Variants in LHFPL6 observed in about 807,000 individuals in gnomAD.
The protein encoded by LHFPL6 is LHFPL tetraspan subfamily member 6.
In LHFPL6, 9 loss-of-function variants were observed where a neutral mutation model predicts 20.6. The ratio of observed to expected loss-of-function variants is 0.44; its 90% CI spans 0.26 to 0.76. The LOEUF (loss-of-function observed/expected upper bound fraction) is 0.76, where lower values mean the gene tolerates loss of function less well. LHFPL6 is among the 30% of genes least tolerant of loss of function. The pLI, the probability that LHFPL6 is intolerant of heterozygous loss-of-function variation, is 0.20. For synonymous variants in LHFPL6, 105 were observed against 98.7 expected (o/e 1.06, Z -0.38); for missense variants, 218 against 253.5 (o/e 0.86, Z 0.95).
chr13:39,476,976 T>C (rs780604280), intron 2 of LHFPL6, among the ~76,000 whole-genome samples: 5 of 152,300 alleles, frequency 3.3e-5, no homozygotes, highest in Middle Eastern at 6.8e-3. Context: ...CTGTTGACAA[T>C]ATTTGCAAAT....
chr13:39,398,126 GACA>G (rs1183238059), intron 2 of LHFPL6, among the ~76,000 whole-genome samples: 3 of 152,174 alleles, frequency 2.0e-5, no homozygotes, highest in Non-Finnish European at 4.4e-5. Context: ...GACACATGGA[GACA>G]ACATAATCAA....
chr13:39,452,542 T>A (rs1312593870), intron 2 of LHFPL6, among the ~76,000 whole-genome samples: 1 of 152,180 alleles, frequency 6.6e-6, no homozygotes, highest in African/African-American at 2.4e-5. Context: ...GAGATGCTCC[T>A]CCCTTTCTTC....
chr13:39,570,801 G>T (rs1289616070), intron 2 of LHFPL6, among the ~76,000 whole-genome samples: 1 of 152,098 alleles, frequency 6.6e-6, no homozygotes, highest in East Asian at 1.9e-4. Flanking sequence ...GTGTGCATGG[G>T]CATGCCACGT....
At chr13:39,427,885 T>TA (rs1871686176) in intron 2 of LHFPL6, among the ~76,000 whole-genome samples, 1 of 152,206 alleles carries the variant, frequency 6.6e-6, no homozygotes, top group Non-Finnish European at 1.5e-5. Flanking sequence ...GTTAATTTGA[T>TA]AGAGTTATCA....
chr13:39,392,375 A>G (rs1019770587), intron 2 of LHFPL6, among the ~76,000 whole-genome samples: 3 of 152,198 alleles, frequency 2.0e-5, no homozygotes, highest in African/African-American at 7.2e-5. Flanking sequence ...CAGGTGGATC[A>G]CCTGAGGTCA....
In LHFPL6 at chr13:39,384,213, T is replaced by C. The variant is rs544335701; in HGVS notation, c.386-5687A>G. ...AATTATCTCGAAGCACAATTTATGC[T>C]AATTATTAAACTTCTGGGGCAAGTG... On this transcript the variant is annotated intron_variant, in intron 2 of 3. Transcript: ENST00000379589. Among the ~76,000 whole-genome samples the C allele has an allele frequency of 2.6e-5, 4 of 152,340 alleles. No individual in the cohort carries two copies. In the South Asian group the frequency reaches 8.3e-4, roughly 32 times the overall value.
intron 2 of LHFPL6, among the ~76,000 whole-genome samples, chr13:39,450,822 T>G (rs531712626): frequency 1.1e-4 from 16 of 152,288 alleles, no homozygotes; most frequent in African/African-American, 3.8e-4. Context: ...ATACAGTATT[T>G]TACTTAGCTG....
intron 2 of LHFPL6, among the ~76,000 whole-genome samples, chr13:39,497,275 G>T (rs750539665): frequency 2.6e-5 from 4 of 152,140 alleles, no homozygotes; most frequent in Non-Finnish European, 5.9e-5. Flanking sequence ...TGTACTTACC[G>T]GCATTGACTT....
At chr13:39,396,506 G>C (rs969850611) in intron 2 of LHFPL6, among the ~76,000 whole-genome samples, 1 of 152,086 alleles carries the variant, frequency 6.6e-6, no homozygotes, top group Admixed American at 6.5e-5. Flanking sequence ...CTTATAAGAA[G>C]ACAGCCAGGC....
At chr13:39,492,972 G>A (rs980838087) in intron 2 of LHFPL6, among the ~76,000 whole-genome samples, 12 of 151,846 alleles carry the variant, frequency 7.9e-5, no homozygotes, top group Admixed American at 2.0e-4. Flanking sequence ...GAGCCACTGC[G>A]CCCGGCCTCA....
At chr13:39,556,946 G>A (rs941597051) in intron 2 of LHFPL6, among the ~76,000 whole-genome samples, 1 of 152,036 alleles carries the variant, frequency 6.6e-6, no homozygotes, top group Non-Finnish European at 1.5e-5. Context: ...TGAGTGACAG[G>A]GCAAGATCCT....
chr13:39,378,500 G>A lies in LHFPL6; in HGVS notation c.412C>T (p.Leu138Phe), dbSNP rs1381337015. 7 of 1,613,928 alleles carry A rather than the reference G, an allele frequency of 4.3e-6. No individual in the cohort carries two copies. In the South Asian group the frequency reaches 6.6e-5, roughly 15 times the overall value. The change falls in exon 3 of 4, where the codon CTC (leucine) becomes TTC (phenylalanine). Residue 138 changes from leucine (L) to phenylalanine (F), a missense_variant. Transcript: ENST00000379589. Reference protein sequence around the residue: ...GGLLIGAGCALYPLGWDSEEV... With the variant: ...GGLLIGAGCAFYPLGWDSEEV... The stretch of plus-strand genomic sequence containing the variant: ...TCACTGTCCCAGCCCAAGGGGTAGA[G>A]GGCACAGCCAGCACCAATCAACAAG...
At chr13:39,498,388 T>A (rs989045751) in intron 2 of LHFPL6, among the ~76,000 whole-genome samples, 2 of 152,220 alleles carry the variant, frequency 1.3e-5, no homozygotes, top group African/African-American at 2.4e-5. Context: ...GCTAATCACA[T>A]CCTATTTGTT....
chr13:39,468,209 T>C (rs1416646669), intron 2 of LHFPL6, among the ~76,000 whole-genome samples: 1 of 152,242 alleles, frequency 6.6e-6, no homozygotes, highest in Non-Finnish European at 1.5e-5. Flanking sequence ...TGTGCAAGCC[T>C]ATGTATTTGA....
At chr13:39,467,995 A>C (rs1393147216) in intron 2 of LHFPL6, among the ~76,000 whole-genome samples, 1 of 152,166 alleles carries the variant, frequency 6.6e-6, no homozygotes, top group Non-Finnish European at 1.5e-5. Context: ...TTTTCAGGGA[A>C]GCTTCAAAAA....
chr13:39,592,049 T>C (rs1872619012), intron 2 of LHFPL6, among the ~76,000 whole-genome samples: 1 of 147,442 alleles, frequency 6.8e-6, no homozygotes, highest in Non-Finnish European at 1.5e-5. Flanking sequence ...TGAGCCGAGA[T>C]CACACCATTG....
rs528530972 is a variant in LHFPL6 at position 39,428,213 on chromosome 13, A to T, written c.386-49687T>A. On this transcript the variant is annotated intron_variant, in intron 2 of 3. Coordinates refer to ENST00000379589, the MANE Select transcript of LHFPL6 (RefSeq NM_005780.3). ...TGAATGTCTTTGTCTGGCCTTATAC[A>T]TAATGCTGGCCTTATAAAATGAATT... Among the ~76,000 whole-genome samples the T allele has an allele frequency of 2.0e-5, 3 of 152,334 alleles. No homozygotes were observed. The South Asian group carries it at 6.2e-4, about 32-fold the overall frequency.
intron 3 of LHFPL6, among the ~76,000 whole-genome samples, chr13:39,375,366 A>G (rs142039955): frequency 6.6e-6 from 1 of 152,328 alleles, no homozygotes; most frequent in Non-Finnish European, 1.5e-5. Context: ...GGGAACAGTA[A>G]TGATTTCTAA....
intron 2 of LHFPL6, among the ~76,000 whole-genome samples, chr13:39,430,132 A>G (rs749415715): frequency 7.2e-5 from 11 of 152,194 alleles, no homozygotes; most frequent in Non-Finnish European, 1.0e-4. Context: ...ACTGCAGTGT[A>G]TGCTGGGTGT....
Sources: allele counts gnomAD v4.1 joint callset (sites outside exome capture counted in the v4.1 genomes callset), GRCh38; gene constraint gnomAD v4.1.1; transcripts MANE v1.5; gene names NCBI Gene and HGNC (gene_info 2026-07-23, HGNC 2026-07-21).